CDH13: variants seen among roughly 807,000 people sequenced by gnomAD.
CDH13 encodes the protein cadherin 13.
A neutral mutation model predicts 63.8 loss-of-function variants in CDH13; 24 were observed. The observed-to-expected ratio is 0.38, with a 90% CI of 0.27 to 0.53. CDH13 has a LOEUF of 0.53. Ranked by LOEUF, CDH13 falls within the 20% of genes least tolerant of loss-of-function variation. CDH13 has a pLI of 0.85. For synonymous variants in CDH13, 503 were observed against 355.3 expected (o/e 1.42, Z -4.67); for missense variants, 1,049 against 903.1 (o/e 1.16, Z -2.07).
intron 8 of CDH13, among the ~76,000 whole-genome samples, chr16:83,646,190 C>G (rs1218893742): frequency 6.6e-6 from 1 of 152,160 alleles, no homozygotes; most frequent in African/African-American, 2.4e-5. Flanking sequence ...TCTCTCCACT[C>G]CCTAACTCTG....
At chr16:82,784,061 T>C (rs1402781397) in intron 1 of CDH13, among the ~76,000 whole-genome samples, 3 of 152,230 alleles carry the variant, frequency 2.0e-5, no homozygotes, top group Non-Finnish European at 2.9e-5. Flanking sequence ...GTGCTTGTTT[T>C]GAATGCAAAT....
chr16:82,698,976 T>G (rs1227989127), intron 1 of CDH13, among the ~76,000 whole-genome samples: 2 of 152,176 alleles, frequency 1.3e-5, no homozygotes, highest in South Asian at 2.1e-4. Flanking sequence ...ATTCTTAGCT[T>G]CCAGGCTGTA....
At chr16:82,694,174 TTA>T (rs1242695502) in intron 1 of CDH13, among the ~76,000 whole-genome samples, 3 of 152,216 alleles carry the variant, frequency 2.0e-5, no homozygotes, top group African/African-American at 7.2e-5. Flanking sequence ...GCAGAAAAGT[TTA>T]TGTGACAACT....
intron 5 of CDH13, among the ~76,000 whole-genome samples, chr16:83,250,564 T>TG (rs1019900874): frequency 1.3e-5 from 2 of 152,252 alleles, no homozygotes; most frequent in Admixed American, 1.3e-4. Context: ...TGCAGAGGTA[T>TG]GCACTGAGAC....
chr16:82,741,736 A>C (rs2033941666), intron 1 of CDH13, among the ~76,000 whole-genome samples: 1 of 152,228 alleles, frequency 6.6e-6, no homozygotes, highest in African/African-American at 2.4e-5. Context: ...CTATAAACAA[A>C]TAAAAATTAT....
In CDH13 at chr16:82,923,800, G is replaced by A. The variant is rs539930489; in HGVS notation, c.157+65327G>A. Among the ~76,000 whole-genome samples the A allele has an allele frequency of 2.3e-4, 35 of 152,164 alleles. No individual in the cohort carries two copies. The South Asian group carries it at 4.4e-3, about 19-fold the overall frequency. ...TTCCTGGTCTATGATACAGAAAATC[G>A]TCTGAATTAATTGCATTTGAAACGA... On this transcript the variant is annotated intron_variant, in intron 2 of 13. Transcript: ENST00000567109.
In CDH13 at chr16:82,810,027, G is replaced by A. The variant is rs140437814; in HGVS notation, c.46-48335G>A. On this transcript the variant is annotated intron_variant, in intron 1 of 13. Transcript: ENST00000567109. ...TCCCTCATGGAGGAAGCCTGCCATCGCCCGGTGCCTTAGCACGCTCTCATG... is the reference window on the plus strand; with the variant it reads ...TCCCTCATGGAGGAAGCCTGCCATCACCCGGTGCCTTAGCACGCTCTCATG... 2.4e-3 allele frequency among the ~76,000 whole-genome samples: 363 copies of A among 152,260 alleles called. 1 individual carries two copies. Among genetic ancestry groups the A allele is most frequent in the African/African-American group, 8.0e-3 (333 of 41,566 alleles).
At chr16:83,608,210 A>G (rs1046791104) in intron 8 of CDH13, among the ~76,000 whole-genome samples, 6 of 152,236 alleles carry the variant, frequency 3.9e-5, no homozygotes, top group Non-Finnish European at 8.8e-5. Context: ...AAGCTATAAC[A>G]TTATCATACC....
At chr16:82,673,659 A>G (rs1913558389) in intron 1 of CDH13, among the ~76,000 whole-genome samples, 1 of 152,232 alleles carries the variant, frequency 6.6e-6, no homozygotes, top group South Asian at 2.1e-4. Context: ...TCCCTAAAGA[A>G]ATCATATTTA....
intron 1 of CDH13, among the ~76,000 whole-genome samples, chr16:82,833,833 GTTTCTTCCT>G (rs2038649600): frequency 6.6e-6 from 1 of 152,162 alleles, no homozygotes; most frequent in Non-Finnish European, 1.5e-5. Context: ...TACGCTGAGG[GTTTCTTCCT>G]GGTTGATGCG....
chr16:82,698,052 A>G (rs1042525350), intron 1 of CDH13, among the ~76,000 whole-genome samples: 4 of 151,440 alleles, frequency 2.6e-5, no homozygotes, highest in Admixed American at 1.3e-4. Flanking sequence ...TGTTGAATGG[A>G]TGAATGAATG....
chr16:83,201,585 C>G (rs1244400508), intron 4 of CDH13, among the ~76,000 whole-genome samples: 3 of 151,972 alleles, frequency 2.0e-5, no homozygotes, highest in Non-Finnish European at 2.9e-5. Context: ...TAATTTGGGA[C>G]CAAGGCTGAG....
intron 6 of CDH13, among the ~76,000 whole-genome samples, chr16:83,462,091 C>A (rs1020042097): frequency 6.6e-6 from 1 of 152,210 alleles, no homozygotes; most frequent in Non-Finnish European, 1.5e-5. Flanking sequence ...ATCGTTTTAA[C>A]AGGGGCCAAG....
In CDH13 at chr16:83,148,493, A is replaced by G. The variant is rs566053050; in HGVS notation, c.483+22992A>G. ...TCAAATCCCAGCCCTGCCATTCACC[A>G]GCCAGATGACCTTGGTCAATGTACG... On this transcript the variant is annotated intron_variant, in intron 4 of 13. Coordinates refer to ENST00000567109, the MANE Select transcript of CDH13 (RefSeq NM_001257.5). 7.2e-5 allele frequency among the ~76,000 whole-genome samples: 11 copies of G among 152,328 alleles called. No homozygotes were observed. In the South Asian group the frequency reaches 2.3e-3, roughly 32 times the overall value.
intron 2 of CDH13, among the ~76,000 whole-genome samples, chr16:83,002,506 G>A (rs1244438084): frequency 6.6e-6 from 1 of 152,226 alleles, no homozygotes; most frequent in African/African-American, 2.4e-5. Context: ...CTTATAGTTT[G>A]TTATAGCAGC....
chr16:83,000,869 G>A (rs886801297), intron 2 of CDH13, among the ~76,000 whole-genome samples: 3 of 152,162 alleles, frequency 2.0e-5, no homozygotes, highest in East Asian at 3.9e-4. Flanking sequence ...GTGAGCCACC[G>A]CGCCTGGCCA....
At chr16:83,371,399 G>A (rs533767943) in intron 6 of CDH13, among the ~76,000 whole-genome samples, 2 of 152,036 alleles carry the variant, frequency 1.3e-5, no homozygotes, top group Non-Finnish European at 2.9e-5. Context: ...CTGCCTTTTT[G>A]TTCTTGCTTA....
intron 5 of CDH13, among the ~76,000 whole-genome samples, chr16:83,272,444 C>T (rs2088853568): frequency 6.6e-6 from 1 of 152,182 alleles, no homozygotes; most frequent in Non-Finnish European, 1.5e-5. Flanking sequence ...CTGCAGTTAG[C>T]ACTTACTACT....
chr16:82,863,328 A>G (rs2040012355), intron 2 of CDH13, among the ~76,000 whole-genome samples: 2 of 152,176 alleles, frequency 1.3e-5, no homozygotes, highest in Admixed American at 6.5e-5. Context: ...CTTCTTAGAA[A>G]CACTATAAGC....
Sources: allele counts gnomAD v4.1 joint callset (sites outside exome capture counted in the v4.1 genomes callset), GRCh38; gene constraint gnomAD v4.1.1; transcripts MANE v1.5; gene names NCBI Gene and HGNC (gene_info 2026-07-23, HGNC 2026-07-21).